Variants in KDM3B observed in about 807,000 individuals in gnomAD.
KDM3B encodes the protein lysine demethylase 3B.
KDM3B carries 10 observed loss-of-function variants against 170.0 expected under a neutral mutation model. The ratio of observed to expected loss-of-function variants is 0.06; its 90% CI spans 0.04 to 0.10. The LOEUF (loss-of-function observed/expected upper bound fraction) is 0.10, where lower values mean the gene tolerates loss of function less well. KDM3B is among the 10% of genes least tolerant of loss of function. KDM3B has a pLI of 1.00. For missense variants in KDM3B, 1,394 were observed against 2,195.2 expected (o/e 0.64, Z 7.29); for synonymous variants, 831 against 834.8 (o/e 1.00, Z 0.08).
intron 17 of KDM3B, among the ~76,000 whole-genome samples, chr5:138,426,242 C>T (rs1763387885): frequency 6.6e-6 from 1 of 152,056 alleles, no homozygotes; most frequent in South Asian, 2.1e-4. Context: ...CAAAGCCCAC[C>T]TTGTCCATTA....
intron 1 of KDM3B, among the ~76,000 whole-genome samples, chr5:138,369,462 C>T (rs752699393): frequency 3.9e-5 from 6 of 152,126 alleles, no homozygotes; most frequent in Non-Finnish European, 8.8e-5. Flanking sequence ...CTCCCTACTA[C>T]TCCCCCACCG....
intron 11 of KDM3B, among the ~76,000 whole-genome samples, chr5:138,402,511 A>G (rs896951323): frequency 6.6e-6 from 1 of 152,122 alleles, no homozygotes; most frequent in African/African-American, 2.4e-5. Context: ...TACTTCCCTC[A>G]CAACTTTGTT....
At position 138,415,135 on chromosome 5, in the gene KDM3B, C is replaced by T. The variant is rs150418257; in HGVS notation, c.3203C>T (p.Thr1068Ile). ...AGTGAAATCATTTCTATTTCAGAGA[C>T]AGAAGAGATGGGTGATGAAGAAGTT... Reference protein sequence around the residue: ...RLRKSRPRSETEEMGDEEVFS... With the variant: ...RLRKSRPRSEIEEMGDEEVFS... The change falls in exon 12 of 24, where the codon ACA becomes ATA. Residue 1068 changes from threonine to isoleucine, a missense_variant. By Grantham distance (89) the Thr-to-Ile change is moderately conservative. Transcript: ENST00000314358. 1 of 1,587,320 alleles carries T rather than the reference C, an allele frequency of 6.3e-7. No individual in the cohort carries two copies.
intron 1 of KDM3B, among the ~76,000 whole-genome samples, chr5:138,357,132 A>G (rs6894833): frequency 0.4 from 60,586 of 150,524 alleles, 12,402 homozygotes; most frequent in East Asian, 0.58. Context: ...GACTACAGGC[A>G]TGCGCCACCG....
intron 3 of KDM3B, among the ~76,000 whole-genome samples, chr5:138,376,454 C>T (rs112148211): frequency 0.26 from 38,693 of 151,720 alleles, 5,569 homozygotes; most frequent in East Asian, 0.56. Flanking sequence ...CCTGTAATCT[C>T]AGCACTTTGG....
chr5:138,369,472 G>A lies in KDM3B; in HGVS notation c.193-3202G>A, dbSNP rs141577764. Among the ~76,000 whole-genome samples, 327 of 152,000 alleles carry A rather than the reference G, an allele frequency of 2.2e-3. 1 individual carries two copies. The highest frequency in any genetic ancestry group is 0.014 in the Middle Eastern group (4 of 294). ...GAACACTCCCTACTACTCCCCCACC[G>A]TATACACACACAAAAAACCTTTTAA... On this transcript the variant is annotated intron_variant, in intron 1 of 23. Transcript: ENST00000314358.
chr5:138,359,703 T>C (rs1761549671), intron 1 of KDM3B, among the ~76,000 whole-genome samples: 1 of 152,188 alleles, frequency 6.6e-6, no homozygotes, highest in Non-Finnish European at 1.5e-5. Context: ...AGGTAAACCA[T>C]TCTTTTCTTT....
At chr5:138,411,530 C>G (rs532875735) in intron 11 of KDM3B, among the ~76,000 whole-genome samples, 60 of 152,168 alleles carry the variant, frequency 3.9e-4, no homozygotes, top group African/African-American at 1.3e-3. Context: ...GTCTTTACCT[C>G]CCACCATATA....
Position 138,426,957 on chromosome 5 carries a change from GT to G in KDM3B, c.4412-17del, listed in dbSNP as rs755174968. ...GCCAAACCAGCAGATGTTTGTGGGA[GT>G]ATTCTCTGTCTTCCAGAACGACTAC... On this transcript the variant is annotated splice_polypyrimidine_tract_variant and intron_variant, in intron 17 of 23. Transcript: ENST00000314358. The G allele has an allele frequency of 6.3e-7, 1 of 1,599,064 alleles. No homozygotes were observed. Among genetic ancestry groups the G allele is most frequent in the South Asian group, 1.1e-5 (1 of 90,774 alleles).
chr5:138,419,559 G>T (rs1763200462), intron 14 of KDM3B, among the ~76,000 whole-genome samples: 1 of 149,162 alleles, frequency 6.7e-6, no homozygotes, highest in Non-Finnish European at 1.5e-5. Flanking sequence ...GGAGGCTGAG[G>T]CAGGAGAATG....
chr5:138,424,619 A>G (rs2126999242), intron 16 of KDM3B, among the ~76,000 whole-genome samples: 1 of 152,232 alleles, frequency 6.6e-6, no homozygotes, highest in South Asian at 2.1e-4. Context: ...TCTACTAAAA[A>G]TACAAAAAAA....
chr5:138,417,380 T>C (rs973868253), intron 12 of KDM3B, 103 bp from the exon 13 acceptor site: 2 of 1,119,966 alleles, frequency 1.8e-6, no homozygotes, highest in Non-Finnish European at 1.3e-6. Context: ...GTTATTGAAA[T>C]GTGGTAAGGA....
Position 138,391,406 on chromosome 5 carries a change from A to C in KDM3B, c.1774A>C (p.Lys592Gln), listed in dbSNP as rs201659917. 1.4e-5 allele frequency: 23 copies of C among 1,613,504 alleles called. No homozygotes were observed. In the Admixed American group the frequency reaches 2.2e-4, roughly 15 times the overall value. ...TAAGGCTGGCAGCTCTGTGGACCGG[A>C]AAGTGCCTGCAGAGTCCATGCCCAC... ...GSKAGSSVDRKVPAESMPTLT... is the reference protein window; with the variant it reads ...GSKAGSSVDRQVPAESMPTLT... The change falls in exon 8 of 24, where the codon AAA (lysine) becomes CAA (glutamine). Residue 592 changes from lysine (K) to glutamine (Q), a missense_variant. By Grantham distance (53) the Lys-to-Gln change is moderately conservative. Around this residue, in one of 19 missense-constraint regions of KDM3B, gnomAD observed 294 missense variants for 311.7 expected, o/e 0.94. Coordinates refer to ENST00000314358, the MANE Select transcript of KDM3B (RefSeq NM_016604.4). The surrounding 1 kb of genome is among the most constrained non-coding windows in gnomAD (Gnocchi z 5.0).
chr5:138,391,062 C>G lies in KDM3B; in HGVS notation c.1430C>G (p.Pro477Arg). ...LASSGFGAPLPSSSQPLTFGS... is the reference protein window; with the variant it reads ...LASSGFGAPLRSSSQPLTFGS... ...TCTTCTGGATTTGGAGCACCTCTCC[C>G]TAGTTCATCGCAACCTTTGACTTTT... The change falls in exon 8 of 24, where the codon CCT becomes CGT. Residue 477 changes from proline to arginine, a missense_variant. Transcript: ENST00000314358. The surrounding 1 kb of genome is among the most constrained non-coding windows in gnomAD (Gnocchi z 5.0). 6.2e-7 allele frequency: 1 copy of G among 1,608,198 alleles called. No homozygotes were observed. Among genetic ancestry groups the G allele is most frequent in the Admixed American group, 1.7e-5 (1 of 58,930 alleles).
intron 10 of KDM3B, among the ~76,000 whole-genome samples, chr5:138,399,529 C>A (rs1044843284): frequency 6.6e-6 from 1 of 151,730 alleles, no homozygotes; most frequent in African/African-American, 2.4e-5. Context: ...CAAAGCGAGA[C>A]CCCATCTCAA....
At position 138,436,736 on chromosome 5, in the gene KDM3B, T is replaced by G. The variant is rs1249228965; in HGVS notation, c.*1036T>G. The G allele has an allele frequency of 1.3e-5, 2 of 152,204 alleles. No homozygotes were observed. Among genetic ancestry groups the G allele is most frequent in the Non-Finnish European group, 2.9e-5 (2 of 68,036 alleles). The allele number at this position is 152,204 out of a possible 1,614,324, so 9.4% of individuals were successfully genotyped here. On this transcript the variant is annotated 3_prime_UTR_variant, in exon 24 of 24. Transcript: ENST00000314358. ...TTGATTTCCAACATGAGGTTTTTTG[T>G]TTTTTATCCAGAAATATTTTCAGCA...
intron 20 of KDM3B, among the ~76,000 whole-genome samples, chr5:138,428,948 T>C (rs549906499): frequency 5.1e-4 from 74 of 145,000 alleles, no homozygotes; most frequent in African/African-American, 4.8e-4. Flanking sequence ...TTCTTTTTTT[T>C]TTTTTTTTTT....
intron 1 of KDM3B, among the ~76,000 whole-genome samples, chr5:138,371,054 G>A (rs1453468067): frequency 3.3e-5 from 5 of 152,024 alleles, no homozygotes; most frequent in Admixed American, 6.6e-5. Flanking sequence ...TGATCCACCC[G>A]CCTCGGCCTC....
At position 138,424,202 on chromosome 5, in the gene KDM3B, A is replaced by C; in HGVS notation, c.4100A>C (p.Lys1367Thr). 1 of 1,614,164 alleles carries C rather than the reference A, an allele frequency of 6.2e-7. No individual in the cohort carries two copies. Among genetic ancestry groups the C allele is most frequent in the Non-Finnish European group, 8.5e-7 (1 of 1,180,016 alleles). Reference protein sequence around the residue: ...CNLTDTQKEVKEMVMGLNVLD... With the variant: ...CNLTDTQKEVTEMVMGLNVLD... ...TTGACTGATACCCAGAAGGAAGTGA[A>C]GGAGATGGTGATGGGGTTAAATGTG... The change falls in exon 16 of 24, where the codon AAG becomes ACG. Residue 1367 changes from lysine (K) to threonine (T), a missense_variant. Lys to Thr is a moderately conservative substitution (Grantham distance 78). Transcript: ENST00000314358.
Sources: allele counts gnomAD v4.1 joint callset (sites outside exome capture counted in the v4.1 genomes callset), GRCh38; gene constraint gnomAD v4.1.1; regional missense constraint gnomAD v4.1.1; non-coding constraint Gnocchi (gnomAD v3.1); transcripts MANE v1.5; gene names NCBI Gene and HGNC (gene_info 2026-07-23, HGNC 2026-07-21).